The following TTC29 variants were observed in gnomAD, a reference collection of about 807,000 sequenced individuals.
The protein encoded by TTC29 is tetratricopeptide repeat protein 29.
Under a neutral mutation model 58.1 loss-of-function variants are expected in TTC29, and 49 were observed. The observed-to-expected ratio is 0.84, with a 90% CI of 0.67 to 1.07. TTC29 has a LOEUF of 1.07. Ranked by LOEUF, TTC29 falls within the 50% of genes least tolerant of loss-of-function variation. TTC29 has a pLI of 0.00. For synonymous variants in TTC29, 209 were observed against 196.8 expected, an observed-to-expected ratio of 1.06 and a Z score of -0.52; for missense variants, 582 against 555.6, an observed-to-expected ratio of 1.05 and a Z score of -0.48.
intron 11 of TTC29, among the ~76,000 whole-genome samples, chr4:146,769,457 A>G (rs1438513630): frequency 2.6e-5 from 4 of 152,070 alleles, no homozygotes; most frequent in African/African-American, 9.7e-5. Context: ...GAAAGGTAGT[A>G]TAAGGATCTA....
chr4:146,876,530 C>T (rs1479805370), intron 6 of TTC29, among the ~76,000 whole-genome samples: 2 of 152,114 alleles, frequency 1.3e-5, no homozygotes, highest in African/African-American at 4.8e-5. Flanking sequence ...CTATTTGTTG[C>T]ATTGAATTTG....
intron 11 of TTC29, among the ~76,000 whole-genome samples, chr4:146,755,114 A>G (rs1746342679): frequency 6.6e-6 from 1 of 152,098 alleles, no homozygotes; most frequent in Non-Finnish European, 1.5e-5. Flanking sequence ...TTGAAAATAA[A>G]TTTTTAAAAG....
intron 4 of TTC29, among the ~76,000 whole-genome samples, chr4:146,926,065 T>C (rs1176908666): frequency 1.3e-5 from 2 of 152,182 alleles, no homozygotes; most frequent in South Asian, 2.1e-4. Context: ...ACACAGAGAA[T>C]AGCACACAAT....
At chr4:146,809,739 G>T (rs891967200) in intron 10 of TTC29, among the ~76,000 whole-genome samples, 6 of 149,932 alleles carry the variant, frequency 4.0e-5, no homozygotes, top group Non-Finnish European at 3.0e-5. Context: ...AGTTAGAATG[G>T]TGATCATTAA....
chr4:146,891,279 G>C, intron 6 of TTC29, among the ~76,000 whole-genome samples: 1 of 151,868 alleles, frequency 6.6e-6, no homozygotes, highest in East Asian at 1.9e-4. Context: ...ATATAATGTT[G>C]ATTTATCATT....
At chr4:146,910,977 G>T (rs978498099) in intron 4 of TTC29, among the ~76,000 whole-genome samples, 6 of 152,178 alleles carry the variant, frequency 3.9e-5, no homozygotes, top group Admixed American at 1.3e-4. Flanking sequence ...GTCAAATGGA[G>T]GGGCTCAGAG....
At chr4:146,835,142 CATT>C (rs1428153643) in intron 8 of TTC29, among the ~76,000 whole-genome samples, 3 of 152,042 alleles carry the variant, frequency 2.0e-5, no homozygotes, top group African/African-American at 7.2e-5. Flanking sequence ...TTGAAATATA[CATT>C]ATTATTACCT....
At chr4:146,887,501 G>C (rs1407276602) in intron 6 of TTC29, among the ~76,000 whole-genome samples, 1 of 152,076 alleles carries the variant, frequency 6.6e-6, no homozygotes, top group Non-Finnish European at 1.5e-5. Context: ...TGGATATTAG[G>C]AGCTCTGGAT....
chr4:146,894,286 T>G (rs980693715), intron 6 of TTC29, among the ~76,000 whole-genome samples: 1 of 151,858 alleles, frequency 6.6e-6, no homozygotes, highest in Non-Finnish European at 1.5e-5. Flanking sequence ...AACCCAAACG[T>G]CCAACAATGA....
At position 146,820,219 on chromosome 4, in the gene TTC29, T is replaced by C; in HGVS notation, c.1007A>G (p.Tyr336Cys). The change falls in exon 10 of 13, where the codon TAC (tyrosine) becomes TGC (cysteine). Residue 336 changes from tyrosine to cysteine, a missense_variant. Transcript: ENST00000325106. ...SQGEMTEAIKYLKKFVKIARN... is the reference protein window; with the variant it reads ...SQGEMTEAIKCLKKFVKIARN... ...TGCAATTTTCACAAATTTTTTCAAG[T>C]ATTTAATTGCTTCTGTCATCTCTCC... The C allele has an allele frequency of 6.2e-7, 1 of 1,612,742 alleles. No individual in the cohort carries two copies. Among genetic ancestry groups the C allele is most frequent in the Non-Finnish European group, 8.5e-7 (1 of 1,179,732 alleles).
At chr4:146,753,542 C>T (rs1746190147) in intron 11 of TTC29, among the ~76,000 whole-genome samples, 1 of 152,152 alleles carries the variant, frequency 6.6e-6, no homozygotes, top group Non-Finnish European at 1.5e-5. Flanking sequence ...CCCAGCCATC[C>T]TATTGCTGGA....
In TTC29 at chr4:146,937,666, A is replaced by T; in HGVS notation, c.104T>A (p.Ile35Asn). 6.6e-7 allele frequency: 1 copy of T among 1,505,760 alleles called. No individual in the cohort carries two copies. The highest frequency in any genetic ancestry group is 9.0e-7 in the Non-Finnish European group (1 of 1,112,642). The allele number at this position is 1,505,760 out of a possible 1,614,324, so 93.3% of individuals were successfully genotyped here. Reference sequence around the variant, plus strand: ...ATGATCTATGTCATCTTTTTCTTTGATCAATTGAGACCTAAATGAAATAGA... The same window carrying T: ...ATGATCTATGTCATCTTTTTCTTTGTTCAATTGAGACCTAAATGAAATAGA... ...SSRKIPRSQL[I>N]KEKDDIDHYL... The change falls in exon 4 of 13, where the codon ATC becomes AAC. Residue 35 changes from isoleucine to asparagine, a missense_variant. Transcript: ENST00000325106.
At chr4:146,753,411 G>A (rs1176060181) in intron 11 of TTC29, among the ~76,000 whole-genome samples, 1 of 152,210 alleles carries the variant, frequency 6.6e-6, no homozygotes, top group Admixed American at 6.5e-5. Flanking sequence ...AACAGGTGCT[G>A]GAGAAGATGT....
In TTC29 at chr4:146,891,641, G is replaced by C. The variant is rs376664878; in HGVS notation, c.586+11903C>G. ...GCCCACAGACATTGGGTGGTGACAA[G>C]GATTACAGGGACTTTTGATGTTGAT... On this transcript the variant is annotated intron_variant, in intron 6 of 12. Transcript: ENST00000325106. Among the ~76,000 whole-genome samples, 28 of 152,284 alleles carry C rather than the reference G, an allele frequency of 1.8e-4. No individual in the cohort carries two copies. In the East Asian group the frequency reaches 5.4e-3, roughly 29 times the overall value.
chr4:146,735,778 GTA>G (rs2150027051), intron 11 of TTC29, among the ~76,000 whole-genome samples: 1 of 152,282 alleles, frequency 6.6e-6, no homozygotes, highest in East Asian at 1.9e-4. Flanking sequence ...TGTTACTCTT[GTA>G]AAACTGAACA....
chr4:146,801,546 C>G (rs1321511730), intron 11 of TTC29, among the ~76,000 whole-genome samples: 1 of 151,946 alleles, frequency 6.6e-6, no homozygotes, highest in Non-Finnish European at 1.5e-5. Context: ...ATACAAATAG[C>G]TGTTTTTAAT....
chr4:146,781,982 G>A (rs1215159630), intron 11 of TTC29, among the ~76,000 whole-genome samples: 6 of 151,222 alleles, frequency 4.0e-5, no homozygotes, highest in African/African-American at 7.3e-5. Flanking sequence ...CAAATTTCAC[G>A]GCCAATTTCT....
chr4:146,798,430 A>C (rs1278040810), intron 11 of TTC29, among the ~76,000 whole-genome samples: 2 of 152,190 alleles, frequency 1.3e-5, no homozygotes, highest in African/African-American at 4.8e-5. Flanking sequence ...AAATTCTAGC[A>C]GAAGGATCAA....
chr4:146,841,428 T>C (rs1392932211), intron 8 of TTC29, among the ~76,000 whole-genome samples: 3 of 152,036 alleles, frequency 2.0e-5, no homozygotes, highest in Non-Finnish European at 4.4e-5. Context: ...CTGGTGACCT[T>C]AACTACCACT....
Sources: gnomAD v4.1 joint callset for allele counts (sites outside exome capture counted in the v4.1 genomes callset) on GRCh38, gnomAD v4.1.1 for gene constraint, MANE v1.5 for transcripts, NCBI Gene and HGNC (gene_info 2026-07-23, HGNC 2026-07-21) for gene names.